STXBP5L: variants seen among roughly 807,000 people sequenced by gnomAD.
STXBP5L encodes the protein syntaxin-binding protein 5-like.
In STXBP5L, 65 loss-of-function variants were observed where a neutral mutation model predicts 144.5. The ratio of observed to expected loss-of-function variants is 0.45; its 90% CI spans 0.37 to 0.55. STXBP5L has a LOEUF of 0.55. STXBP5L is among the 20% of genes least tolerant of loss of function. The pLI is 0.00. For missense variants in STXBP5L, 1,298 were observed against 1,405.5 expected, an observed-to-expected ratio of 0.92 and a Z score of 1.22; for synonymous variants, 505 against 469.6, an observed-to-expected ratio of 1.08 and a Z score of -0.97.
At chr3:121,034,037 G>A (rs1946575515) in intron 3 of STXBP5L, among the ~76,000 whole-genome samples, 1 of 151,970 alleles carries the variant, frequency 6.6e-6, no homozygotes, top group Non-Finnish European at 1.5e-5. Context: ...ACTAAGCTTT[G>A]GATATTATTT....
rs2047422359 is a variant in STXBP5L, at chr3:121,424,637, T to C, written c.*5540T>C. On this transcript the variant is annotated 3_prime_UTR_variant, in exon 27 of 27. Coordinates refer to ENST00000471454, the MANE Select transcript of STXBP5L (RefSeq NM_001308330.2). ...ATGTATCTTTCTTTCATCTTCAGAA[T>C]TTTTGCATCTTTTCAGAAAATGACA... The C allele has an allele frequency of 6.6e-6, 1 of 152,224 alleles. No homozygotes were observed. The highest frequency in any genetic ancestry group is 1.5e-5 in the Non-Finnish European group (1 of 68,046). 9.4% of individuals were successfully genotyped at this position (152,224 alleles called of 1,614,324 possible).
intron 15 of STXBP5L, among the ~76,000 whole-genome samples, chr3:121,253,601 G>T (rs972557995): frequency 4.8e-5 from 7 of 147,154 alleles, no homozygotes; most frequent in African/African-American, 1.8e-4. Context: ...ATATATATGT[G>T]TATATATATG....
intron 3 of STXBP5L, among the ~76,000 whole-genome samples, chr3:120,999,960 G>A (rs537983807): frequency 2.0e-5 from 3 of 152,270 alleles, no homozygotes; most frequent in Admixed American, 6.5e-5. Context: ...AGCTTACAGG[G>A]TTTCTGCTGA....
At chr3:121,189,424 T>A (rs900839408) in intron 9 of STXBP5L, among the ~76,000 whole-genome samples, 41 of 152,238 alleles carry the variant, frequency 2.7e-4, no homozygotes, top group African/African-American at 9.4e-4. Flanking sequence ...GGATCCAGTT[T>A]CAGCTCTCTA....
chr3:121,343,424 A>C (rs2044812998), intron 20 of STXBP5L, among the ~76,000 whole-genome samples: 1 of 152,162 alleles, frequency 6.6e-6, no homozygotes, highest in Non-Finnish European at 1.5e-5. Flanking sequence ...AAGGAAATAA[A>C]GGTTATTCAT....
chr3:120,937,412 A>G (rs1710319539), intron 2 of STXBP5L, among the ~76,000 whole-genome samples: 1 of 151,906 alleles, frequency 6.6e-6, no homozygotes, highest in Non-Finnish European at 1.5e-5. Flanking sequence ...TAACTCTCAA[A>G]CTTGTTCACA....
intron 9 of STXBP5L, chr3:121,158,930 T>C (rs2046216007): frequency 6.6e-6 from 1 of 152,130 alleles, no homozygotes; most frequent in African/African-American, 2.4e-5. Context: ...TATTCTGCTT[T>C]TCTGTTGAAA....
intron 5 of STXBP5L, among the ~76,000 whole-genome samples, chr3:121,080,381 C>A (rs977915781): frequency 6.6e-6 from 1 of 151,568 alleles, no homozygotes; most frequent in Admixed American, 6.6e-5. Context: ...TGCCTAAATA[C>A]TTTGTTTTTT....
intron 5 of STXBP5L, among the ~76,000 whole-genome samples, chr3:121,087,206 T>G (rs1223972620): frequency 6.6e-6 from 1 of 152,086 alleles, no homozygotes; most frequent in South Asian, 2.1e-4. Flanking sequence ...TTCTATAGGG[T>G]TATGATTTTC....
intron 3 of STXBP5L, among the ~76,000 whole-genome samples, chr3:121,014,227 A>C (rs971981085): frequency 6.6e-6 from 1 of 152,036 alleles, no homozygotes; most frequent in African/African-American, 2.4e-5. Context: ...TGTTTTGAGC[A>C]GTATGGACAT....
chr3:120,933,509 T>C (rs1218017772), intron 2 of STXBP5L, among the ~76,000 whole-genome samples: 5 of 152,176 alleles, frequency 3.3e-5, no homozygotes, highest in African/African-American at 1.2e-4. Flanking sequence ...AAATAATATC[T>C]TTAACAAATA....
intron 9 of STXBP5L, among the ~76,000 whole-genome samples, chr3:121,165,532 C>T (rs766826523): frequency 2.0e-5 from 3 of 152,136 alleles, no homozygotes; most frequent in Non-Finnish European, 4.4e-5. Flanking sequence ...GGTTGGACAT[C>T]TCTTTCCTTA....
At chr3:120,979,994 G>A (rs895864383) in intron 3 of STXBP5L, among the ~76,000 whole-genome samples, 9 of 152,104 alleles carry the variant, frequency 5.9e-5, no homozygotes, top group Non-Finnish European at 1.2e-4. Context: ...AATCTTTCAG[G>A]AGCAGGTTGT....
chr3:120,945,186 C>T (rs1266834008), intron 2 of STXBP5L, among the ~76,000 whole-genome samples: 1 of 151,650 alleles, frequency 6.6e-6, no homozygotes, highest in African/African-American at 2.4e-5. Context: ...ATGATATGCC[C>T]CAATCCACAC....
intron 2 of STXBP5L, among the ~76,000 whole-genome samples, chr3:120,912,546 C>T (rs1389523877): frequency 1.3e-5 from 2 of 151,078 alleles, no homozygotes; most frequent in South Asian, 2.1e-4. Flanking sequence ...AAAGCTGTAC[C>T]CTTCATAATA....
At chr3:120,960,687 A>T (rs913870563) in intron 3 of STXBP5L, among the ~76,000 whole-genome samples, 8 of 151,384 alleles carry the variant, frequency 5.3e-5, no homozygotes, top group African/African-American at 1.7e-4. Context: ...GCGTGTTCTC[A>T]CTCATAGGTG....
chr3:121,218,053 AAT>A (rs1414301219), intron 10 of STXBP5L, among the ~76,000 whole-genome samples: 3 of 143,128 alleles, frequency 2.1e-5, no homozygotes, highest in Non-Finnish European at 4.5e-5. Context: ...TACTATATAT[AAT>A]ATATATACAC....
At chr3:121,158,382 TATC>T (rs779945325) in intron 9 of STXBP5L, 9 of 152,198 alleles carry the variant, frequency 5.9e-5, no homozygotes, top group Non-Finnish European at 1.0e-4. Context: ...GAGCGTTCGT[TATC>T]ATGTCACATT....
chr3:121,075,033 T>C (rs1489150960), intron 5 of STXBP5L, among the ~76,000 whole-genome samples: 1 of 152,046 alleles, frequency 6.6e-6, no homozygotes, highest in Non-Finnish European at 1.5e-5. Flanking sequence ...GCCCTCTACC[T>C]CCATTGAGAC....
Sources: allele counts gnomAD v4.1 joint callset (sites outside exome capture counted in the v4.1 genomes callset), GRCh38; gene constraint gnomAD v4.1.1; transcripts MANE v1.5; gene names NCBI Gene and HGNC (gene_info 2026-07-23, HGNC 2026-07-21).